ATP1A4: variants seen among roughly 807,000 people sequenced by gnomAD.
ATP1A4 encodes the protein sodium/potassium-transporting ATPase subunit alpha-4.
ATP1A4 carries 90 observed loss-of-function variants against 114.3 expected under a neutral mutation model. That is an observed-to-expected ratio of 0.79 (90% confidence interval 0.66 to 0.94). The LOEUF (loss-of-function observed/expected upper bound fraction) is 0.94. Among genes scored for constraint, ATP1A4 ranks in the 40% least tolerant of loss-of-function variants. ATP1A4 has a pLI of 0.00. For missense variants in ATP1A4, 1,222 were observed against 1,313.6 expected, an observed-to-expected ratio of 0.93 and a Z score of 1.08; for synonymous variants, 511 against 494.1, an observed-to-expected ratio of 1.03 and a Z score of -0.45.
chr1:160,183,707 T>C (rs943377183), intron 20 of ATP1A4, among the ~76,000 whole-genome samples: 2 of 152,232 alleles, frequency 1.3e-5, no homozygotes, highest in African/African-American at 4.8e-5. Flanking sequence ...CTATTGTGCT[T>C]TTGACATATG....
chr1:160,163,190 C>G (rs1380328948), intron 6 of ATP1A4, among the ~76,000 whole-genome samples: 1 of 151,990 alleles, frequency 6.6e-6, no homozygotes, highest in Non-Finnish European at 1.5e-5. Context: ...TTTCTCTACA[C>G]TCACGCTGAA....
chr1:160,181,753 C>A lies in ATP1A4; in HGVS notation c.2806C>A (p.Gln936Lys). Residue 936 changes from glutamine to lysine, a missense_variant, in exon 19 of 22, where the codon CAG becomes AAG. Transcript: ENST00000368081. ...TAFFVTIVVV[Q>K]WADLIISKTR... ...CTTTTTTGTCACCATCGTGGTTGTG[C>A]AGTGGGCGGATCTCATCATCTCCAA... 6.2e-7 allele frequency: 1 copy of A among 1,614,062 alleles called. No individual in the cohort carries two copies. Among genetic ancestry groups the A allele is most frequent in the Non-Finnish European group, 8.5e-7 (1 of 1,180,010 alleles).
intron 7 of ATP1A4, among the ~76,000 whole-genome samples, chr1:160,165,545 G>A (rs576474921): frequency 1.3e-5 from 2 of 151,560 alleles, no homozygotes; most frequent in South Asian, 2.1e-4. Flanking sequence ...GGATCACGAG[G>A]TCAGGAGATC....
chr1:160,159,174 G>T, intron 5 of ATP1A4, 38 bp downstream of exon 5: 1 of 1,601,616 alleles, frequency 6.2e-7, no homozygotes, highest in Non-Finnish European at 8.5e-7. Context: ...GGACCCAAGC[G>T]TGATCTCATG....
At chr1:160,177,942 G>C (rs535047171) in intron 18 of ATP1A4, among the ~76,000 whole-genome samples, 165 of 152,298 alleles carry the variant, frequency 1.1e-3, no homozygotes, top group African/African-American at 3.7e-3. Flanking sequence ...TGGAGTCTTT[G>C]TCATATCAAC....
chr1:160,186,363 G>C lies in ATP1A4; in HGVS notation c.3057G>C (p.Pro1019=). The C allele has an allele frequency of 1.2e-6, 2 of 1,611,654 alleles. No homozygotes were observed. Among genetic ancestry groups the C allele is most frequent in the Non-Finnish European group, 1.7e-6 (2 of 1,178,502 alleles). ...EIRKLLIRQH[P]DGWVERETYY is the part of the protein sequence containing the mutation. ...GAAAACTCCTCATCCGTCAGCACCC[G>C]GATGGTGAGGCTCCCCTGGGCCCCG... The change falls in exon 21 of 22, where the codon CCG becomes CCC. Residue 1019 remains proline (P), a synonymous_variant. Transcript: ENST00000368081.
intron 18 of ATP1A4, among the ~76,000 whole-genome samples, chr1:160,179,458 T>G (rs1379049154): frequency 6.6e-6 from 1 of 152,226 alleles, no homozygotes; most frequent in Non-Finnish European, 1.5e-5. Context: ...TGAAGACATC[T>G]TGAAGTGTCA....
rs1352461536 is a variant in ATP1A4 at position 160,174,830 on chromosome 1, C to A, written c.2311+83C>A. The A allele has an allele frequency of 9.5e-6, 15 of 1,578,078 alleles. No individual in the cohort carries two copies. In the Admixed American group the frequency reaches 1.1e-4, roughly 11 times the overall value. ...GTGTACATCCCCTCTTTCCGTTTTC[C>A]CATCATCCAACCTCCATGAGCCTGT... On this transcript the variant is annotated intron_variant, in intron 15 of 21. Transcript: ENST00000368081.
At chr1:160,180,072 A>T (rs1277336133) in intron 18 of ATP1A4, among the ~76,000 whole-genome samples, 1 of 152,232 alleles carries the variant, frequency 6.6e-6, no homozygotes, top group Non-Finnish European at 1.5e-5. Context: ...TGGAAGGATC[A>T]TCAACATGGA....
In ATP1A4 at chr1:160,157,646, A is replaced by C. The variant is rs540901764; in HGVS notation, c.526-1356A>C. ...CAATATCTTAATTCTTGGGAAATGC[A>C]CAATGAAGTTTTTAAGATAAAAGAT... On this transcript the variant is annotated intron_variant, in intron 4 of 21. Coordinates refer to ENST00000368081, the MANE Select transcript of ATP1A4 (RefSeq NM_144699.4). Among the ~76,000 whole-genome samples, 48 of 152,366 alleles carry C rather than the reference A, an allele frequency of 3.2e-4. No homozygotes were observed. In the South Asian group the frequency reaches 4.4e-3, roughly 14 times the overall value.
At chr1:160,178,689 C>A (rs1037078848) in intron 18 of ATP1A4, among the ~76,000 whole-genome samples, 18 of 149,762 alleles carry the variant, frequency 1.2e-4, no homozygotes, top group African/African-American at 3.0e-4. Flanking sequence ...AAAAAAAAAA[C>A]AAAACCCTGA....
chr1:160,160,780 AC>A (rs1435080175), intron 6 of ATP1A4, among the ~76,000 whole-genome samples: 1 of 152,184 alleles, frequency 6.6e-6, no homozygotes, highest in Non-Finnish European at 1.5e-5. Flanking sequence ...ATTTGAAAAT[AC>A]CTTAAAGAAG....
chr1:160,178,614 G>A (rs1285356516), intron 18 of ATP1A4, among the ~76,000 whole-genome samples: 1 of 152,080 alleles, frequency 6.6e-6, no homozygotes, highest in African/African-American at 2.4e-5. Flanking sequence ...GGCGGAGATT[G>A]CAGTGAGCCA....
intron 2 of ATP1A4, 99 bp downstream of exon 2, chr1:160,153,323 A>C: frequency 1.9e-6 from 2 of 1,066,438 alleles, no homozygotes; most frequent in Non-Finnish European, 2.8e-6. Context: ...CCTAACTTCA[A>C]GTCCAACGTT....
At chr1:160,178,324 C>T (rs1486597972) in intron 18 of ATP1A4, among the ~76,000 whole-genome samples, 1 of 151,892 alleles carries the variant, frequency 6.6e-6, no homozygotes, top group African/African-American at 2.4e-5. Context: ...CATTGCACTG[C>T]AGCCTGGGCA....
chr1:160,183,642 T>A (rs1653783769), intron 20 of ATP1A4, among the ~76,000 whole-genome samples: 1 of 152,226 alleles, frequency 6.6e-6, no homozygotes, highest in Non-Finnish European at 1.5e-5. Context: ...GTGTGTGGAA[T>A]GAGCCATGGC....
At position 160,182,007 on chromosome 1, in the gene ATP1A4, T is replaced by C. The variant is rs1279397568; in HGVS notation, c.2945T>C (p.Val982Ala). 2 of 1,614,066 alleles carry C rather than the reference T, an allele frequency of 1.2e-6. No individual in the cohort carries two copies. The highest frequency in any genetic ancestry group is 3.3e-5 in the Admixed American group (2 of 60,018). Reference protein sequence around the residue: ...AFLSYTPGMDVALRMYPLKIT... With the variant: ...AFLSYTPGMDAALRMYPLKIT... ...CTGTCCTACACTCCAGGCATGGACG[T>C]GGCCCTGCGAATGTACCCACTCAAG... is the stretch of plus-strand genomic sequence containing the variant. The change falls in exon 20 of 22, where the codon GTG (valine) becomes GCG (alanine). Residue 982 changes from valine (V) to alanine (A), a missense_variant. Val to Ala is a moderately conservative substitution (Grantham distance 64). Coordinates refer to ENST00000368081, the MANE Select transcript of ATP1A4 (RefSeq NM_144699.4).
intron 20 of ATP1A4, among the ~76,000 whole-genome samples, chr1:160,182,480 C>T (rs561256800): frequency 6.2e-4 from 95 of 152,244 alleles, no homozygotes; most frequent in Middle Eastern, 6.8e-3. Context: ...TTGTTCAACT[C>T]CAGGTTTTTG....
intron 18 of ATP1A4, among the ~76,000 whole-genome samples, chr1:160,179,440 CT>C (rs1557807785): frequency 6.6e-6 from 1 of 152,212 alleles, no homozygotes; most frequent in Non-Finnish European, 1.5e-5. Context: ...GAATTCCCCC[CT>C]GCACATTGAA....
Sources: allele counts gnomAD v4.1 joint callset (sites outside exome capture counted in the v4.1 genomes callset), GRCh38; gene constraint gnomAD v4.1.1; transcripts MANE v1.5; gene names NCBI Gene and HGNC (gene_info 2026-07-23, HGNC 2026-07-21).